Variants in KCNN4 observed in about 807,000 individuals in gnomAD.
The protein encoded by KCNN4 is potassium calcium-activated channel subfamily N member 4.
In KCNN4, 31 loss-of-function variants were observed where a neutral mutation model predicts 45.2. The ratio of observed to expected loss-of-function variants is 0.69; its 90% CI spans 0.52 to 0.92. KCNN4 has a LOEUF of 0.92. KCNN4 is among the 40% of genes least tolerant of loss of function. KCNN4 has a pLI of 0.00. For synonymous variants in KCNN4, 231 were observed against 254.6 expected (o/e 0.91, Z 0.88); for missense variants, 463 against 574.0 (o/e 0.81, Z 1.98).
Position 43,772,740 on chromosome 19 carries a change from G to A in KCNN4, c.684-605C>T, listed in dbSNP as rs1382142267. Reference sequence around the variant, plus strand: ...CAGGCCCCTTGCCGCAAGACCAGCAGGGAAAGCTTCATTCATGAGGGCCCC... The same window carrying A: ...CAGGCCCCTTGCCGCAAGACCAGCAAGGAAAGCTTCATTCATGAGGGCCCC... On this transcript the variant is annotated intron_variant, in intron 3 of 8. Transcript: ENST00000648319. The surrounding 1 kb of genome is among the most constrained non-coding windows in gnomAD (Gnocchi z 4.4). Among the ~76,000 whole-genome samples the A allele has an allele frequency of 6.6e-6, 1 of 152,144 alleles. No individual in the cohort carries two copies. Among genetic ancestry groups the A allele is most frequent in the Non-Finnish European group, 1.5e-5 (1 of 68,026 alleles).
chr19:43,779,582 C>T (rs1262701833), intron 1 of KCNN4, among the ~76,000 whole-genome samples: 1 of 152,050 alleles, frequency 6.6e-6, no homozygotes, highest in African/African-American at 2.4e-5. Flanking sequence ...TCCTGTTGAG[C>T]AAGTCTGTTC....
intron 3 of KCNN4, among the ~76,000 whole-genome samples, chr19:43,773,239 G>A (rs542836998): frequency 7.9e-5 from 12 of 152,376 alleles, no homozygotes; most frequent in African/African-American, 2.2e-4. Flanking sequence ...AGAGGTTGCA[G>A]GGAGCAGAGA....
chr19:43,771,874 A>G (rs1368411482), intron 4 of KCNN4, 126 bp downstream of exon 4: 4 of 1,226,440 alleles, frequency 3.3e-6, no homozygotes, highest in Non-Finnish European at 4.5e-6. Flanking sequence ...TGGGGGCCCC[A>G]GACACTCAAG....
intron 1 of KCNN4, 63 bp downstream of exon 1, chr19:43,780,640 A>ACCCCCACCCCCCCCCCC: frequency 4.3e-6 from 2 of 464,894 alleles, no homozygotes; most frequent in South Asian, 3.3e-5. Flanking sequence ...AAGAGTCCTG[A>ACCCCCACCCCCCCCCCC]CCCCCAGCCC....
chr19:43,769,365 GCA>G lies in KCNN4; in HGVS notation c.1049+75_1049+76del, dbSNP rs1833953169. ...TCCTGACCTGGACAGGCATGGACAT[GCA>G]CACACACAGCCGTGCAGAGAGGTGA... is the stretch of plus-strand genomic sequence containing the variant. On this transcript the variant is annotated intron_variant, in intron 6 of 8. Coordinates refer to ENST00000648319, the MANE Select transcript of KCNN4 (RefSeq NM_002250.3). The surrounding 1 kb of genome is among the most constrained non-coding windows in gnomAD (Gnocchi z 4.4). The G allele has an allele frequency of 8.5e-7, 1 of 1,172,140 alleles. No homozygotes were observed. Among genetic ancestry groups the G allele is most frequent in the Non-Finnish European group, 1.3e-6 (1 of 789,682 alleles). 72.6% of individuals were successfully genotyped at this position (1,172,140 alleles called of 1,614,324 possible).
rs752887298 is a variant in KCNN4, at chr19:43,769,783, A to G, written c.866T>C (p.Leu289Pro). Residue 289 changes from leucine to proline, a missense_variant, in exon 5 of 9, where the codon CTG becomes CCG. Leu to Pro is a moderately conservative substitution (Grantham distance 98). Coordinates refer to ENST00000648319, the MANE Select transcript of KCNN4 (RefSeq NM_002250.3). This position sits in a 1 kb window ranked among gnomAD's most constrained non-coding sequence, Gnocchi z 4.4. ...ALLVAVVARK[L>P]EFNKAEKHVH... The stretch of plus-strand genomic sequence containing the variant: ...GTGCTTCTCTGCCTTGTTAAACTCC[A>G]GCTTCCGGGCCACCACGGCCACCAG... 1 of 1,613,798 alleles carries G rather than the reference A, an allele frequency of 6.2e-7. No individual in the cohort carries two copies. Among genetic ancestry groups the G allele is most frequent in the Admixed American group, 1.7e-5 (1 of 60,010 alleles).
In KCNN4 at chr19:43,774,503, G is replaced by A. The variant is rs1295569072; in HGVS notation, c.372C>T (p.Gly124=). 3 of 1,597,186 alleles carry A rather than the reference G, an allele frequency of 1.9e-6. No individual in the cohort carries two copies. Among genetic ancestry groups the A allele is most frequent in the Non-Finnish European group, 2.6e-6 (3 of 1,174,020 alleles). The change falls in exon 3 of 9, where the codon GGC becomes GGT. Residue 124 remains glycine, a synonymous_variant. Coordinates refer to ENST00000648319, the MANE Select transcript of KCNN4 (RefSeq NM_002250.3). This position sits in a 1 kb window ranked among gnomAD's most constrained non-coding sequence, Gnocchi z 5.6. ...CCCCTAAATCCTGCACGCACGGCGG[G>A]CCCCGCACGGGCGCCGGGTGCAGCC... ...VCGLHPAPVR[G]PPCVQDLGAP...
chr19:43,776,411 GT>G, intron 2 of KCNN4, 129 bp downstream of exon 2: 1 of 678,774 alleles, frequency 1.5e-6, no homozygotes, highest in South Asian at 1.7e-5. Flanking sequence ...AGGTGAGGGT[GT>G]GGACGCAGCA....
In KCNN4 at chr19:43,769,479, G is replaced by T. The variant is rs767025386; in HGVS notation, c.1012C>A (p.Arg338Ser). ...GCCAGCAGCTTGCGCTGATGCCTGCGGGCAGCATGAGACTCCTTCCTGCGA... is the reference window on the plus strand; with the variant it reads ...GCCAGCAGCTTGCGCTGATGCCTGCTGGCAGCATGAGACTCCTTCCTGCGA... ...HTRRKESHAA[R>S]RHQRKLLAAI... Residue 338 changes from arginine to serine, a missense_variant, in exon 6 of 9, where the codon CGC (arginine) becomes AGC (serine). Physicochemically the swap from Arg to Ser is moderately radical, Grantham distance 110. Transcript: ENST00000648319. This position sits in a 1 kb window ranked among gnomAD's most constrained non-coding sequence, Gnocchi z 4.4. 6.2e-7 allele frequency: 1 copy of T among 1,614,222 alleles called. No homozygotes were observed. Among genetic ancestry groups the T allele is most frequent in the African/African-American group, 1.3e-5 (1 of 75,068 alleles).
Position 43,774,148 on chromosome 19 carries a change from G to A in KCNN4, c.683+44C>T. On this transcript the variant is annotated intron_variant, in intron 3 of 8. Coordinates refer to ENST00000648319, the MANE Select transcript of KCNN4 (RefSeq NM_002250.3). The surrounding 1 kb of genome is among the most constrained non-coding windows in gnomAD (Gnocchi z 5.6). ...GCGGCACAGGACGGCCGCCGTGGCT[G>A]TCCGGGGTTCCCCCCTGCGCATTTA... 6.4e-7 allele frequency: 1 copy of A among 1,559,044 alleles called. No individual in the cohort carries two copies. Among genetic ancestry groups the A allele is most frequent in the Non-Finnish European group, 8.7e-7 (1 of 1,148,378 alleles).
At position 43,780,826 on chromosome 19, in the gene KCNN4, C is replaced by G. The variant is rs777432100; in HGVS notation, c.36G>C (p.Leu12Phe). ...GCTCCAGCAAGCGCTTTCGGCGTCTCAAGGCCCCCAGGCCAAGCACCAGAT... is the reference window on the plus strand; with the variant it reads ...GCTCCAGCAAGCGCTTTCGGCGTCTGAAGGCCCCCAGGCCAAGCACCAGAT... Reference protein sequence around the residue: ...GGDLVLGLGALRRRKRLLEQE... With the variant: ...GGDLVLGLGAFRRRKRLLEQE... Residue 12 changes from leucine (L) to phenylalanine (F), a missense_variant, in exon 1 of 9, where the codon TTG becomes TTC. Leu to Phe is a conservative substitution (Grantham distance 22). Around this residue, in one of 3 missense-constraint regions of KCNN4, gnomAD observed 225 missense variants for 240.9 expected, o/e 0.93. Transcript: ENST00000648319. The G allele has an allele frequency of 3.2e-5, 52 of 1,613,930 alleles. No individual in the cohort carries two copies. The highest frequency in any genetic ancestry group is 3.9e-5 in the Non-Finnish European group (46 of 1,179,994).
At position 43,774,376 on chromosome 19, in the gene KCNN4, C is replaced by G. The variant is rs748681028; in HGVS notation, c.499G>C (p.Val167Leu). Residue 167 changes from valine to leucine, a missense_variant, in exon 3 of 9, where the codon GTG becomes CTG. Val to Leu is a conservative substitution (Grantham distance 32). This residue lies in a region of KCNN4 where 225 missense variants were observed against 240.9 expected (regional missense o/e 0.93). Coordinates refer to ENST00000648319, the MANE Select transcript of KCNN4 (RefSeq NM_002250.3). This position sits in a 1 kb window ranked among gnomAD's most constrained non-coding sequence, Gnocchi z 5.6. ...LLRLYLVPRA[V>L]LLRSGVLLNA... ...AGCAGGACGCCGCTGCGCAGGAGCA[C>G]GGCGCGGGGCACCAGGTAGAGACGC... 1.2e-6 allele frequency: 2 copies of G among 1,603,950 alleles called. No homozygotes were observed. Among genetic ancestry groups the G allele is most frequent in the African/African-American group, 2.7e-5 (2 of 74,680 alleles).
Position 43,774,302 on chromosome 19 carries a change from G to C in KCNN4, c.573C>G (p.Arg191=). ...TGTAAAGCTTGGCCACGAACCAGTG[G>C]CGGAAGCGGACTTGATTGAGAGCGC... ...SIGALNQVRF[R]HWFVAKLYMN... The change falls in exon 3 of 9, where the codon CGC becomes CGG. Residue 191 remains arginine, a synonymous_variant. Coordinates refer to ENST00000648319, the MANE Select transcript of KCNN4 (RefSeq NM_002250.3). The surrounding 1 kb of genome is among the most constrained non-coding windows in gnomAD (Gnocchi z 5.6). 6.2e-7 allele frequency: 1 copy of C among 1,612,342 alleles called. No homozygotes were observed. The highest frequency in any genetic ancestry group is 8.5e-7 in the Non-Finnish European group (1 of 1,179,278).
Position 43,767,576 on chromosome 19 carries a change from C to T in KCNN4, c.1251G>A (p.Arg417=), listed in dbSNP as rs1393300628. Reference sequence around the variant, plus strand: ...ACTGCTGGCTGGGTTCTGGAAGCTGCCTCGGCCCCAGGGCAGTGCTAAGCA... The same window carrying T: ...ACTGCTGGCTGGGTTCTGGAAGCTGTCTCGGCCCCAGGGCAGTGCTAAGCA... ...TELLSTALGP[R]QLPEPSQQSK The change falls in exon 8 of 9, where the codon AGG becomes AGA. Residue 417 remains arginine, a synonymous_variant. Transcript: ENST00000648319. 2.5e-6 allele frequency: 4 copies of T among 1,613,922 alleles called. No homozygotes were observed. Among genetic ancestry groups the T allele is most frequent in the African/African-American group, 2.7e-5 (2 of 74,910 alleles).
Position 43,774,601 on chromosome 19 carries a change from C to A in KCNN4, c.274G>T (p.Gly92Trp), listed in dbSNP as rs747284188. ...AGCGCCACGCGCCAGTCCCGCAGCC[C>A]GTTGTCGGTCATGAACAGCTGCCGG... ...KEVQLFMTDN[G>W]LRDWRVALTG... Residue 92 changes from glycine (G) to tryptophan (W), a missense_variant, in exon 3 of 9, where the codon GGG becomes TGG. Gly to Trp is a radical substitution (Grantham distance 184, BLOSUM62 -2). This residue lies in a region of KCNN4 where 225 missense variants were observed against 240.9 expected (regional missense o/e 0.93). Coordinates refer to ENST00000648319, the MANE Select transcript of KCNN4 (RefSeq NM_002250.3). The surrounding 1 kb of genome is among the most constrained non-coding windows in gnomAD (Gnocchi z 5.6). 6.6e-7 allele frequency: 1 copy of A among 1,510,672 alleles called. No individual in the cohort carries two copies. Among genetic ancestry groups the A allele is most frequent in the Admixed American group, 2.2e-5 (1 of 45,924 alleles). The allele number at this position is 1,510,672 out of a possible 1,614,324, so 93.6% of individuals were successfully genotyped here. A position where few individuals can be genotyped will look rare whatever the true frequency, so the allele number is the denominator to read the frequency against.
At chr19:43,770,255 C>T (rs974485931) in intron 4 of KCNN4, among the ~76,000 whole-genome samples, 9 of 152,106 alleles carry the variant, frequency 5.9e-5, no homozygotes, top group African/African-American at 2.2e-4. Context: ...CACTCATCCT[C>T]CCCTAACCCC....
At chr19:43,767,312 CAA>C in intron 8 of KCNN4, 1 of 548,942 alleles carries the variant, frequency 1.8e-6, no homozygotes, top group Non-Finnish European at 3.3e-6. Flanking sequence ...AGAGACCAAG[CAA>C]AGAGGGAGAA....
chr19:43,770,549 C>T (rs1969615730), intron 4 of KCNN4, among the ~76,000 whole-genome samples: 1 of 152,216 alleles, frequency 6.6e-6, no homozygotes, highest in Admixed American at 6.5e-5. Flanking sequence ...CCTATAGTTT[C>T]AGCTCTTGAT....
intron 1 of KCNN4, among the ~76,000 whole-genome samples, chr19:43,778,951 C>T (rs554395060): frequency 1.1e-4 from 16 of 152,290 alleles, no homozygotes; most frequent in African/African-American, 3.4e-4. Context: ...CCTGTAATCC[C>T]AGCACTTTGA....
Sources: gnomAD v4.1 joint callset for allele counts (sites outside exome capture counted in the v4.1 genomes callset) on GRCh38, gnomAD v4.1.1 for gene constraint, gnomAD v4.1.1 regional missense constraint, Gnocchi (gnomAD v3.1) non-coding constraint, MANE v1.5 for transcripts, NCBI Gene and HGNC (gene_info 2026-07-23, HGNC 2026-07-21) for gene names.